KIF26B: variants seen among roughly 807,000 people sequenced by gnomAD.
KIF26B encodes kinesin family member 26B, also known as kinesin-like protein KIF26B.
A neutral mutation model predicts 151.2 loss-of-function variants in KIF26B; 63 were observed. That is an observed-to-expected ratio of 0.42 (90% confidence interval 0.34 to 0.51). KIF26B has a LOEUF of 0.51. Among genes scored for constraint, KIF26B ranks in the 20% least tolerant of loss-of-function variants. KIF26B has a pLI of 0.07. For synonymous variants in KIF26B, 1,357 were observed against 1,262.1 expected (o/e 1.08, Z -1.59); for missense variants, 2,813 against 2,913.6 (o/e 0.97, Z 0.79).
At chr1:245,630,826 AT>A (rs368215949) in intron 9 of KIF26B, among the ~76,000 whole-genome samples, 1 of 151,970 alleles carries the variant, frequency 6.6e-6, no homozygotes, top group Admixed American at 6.6e-5. Context: ...ATGTTCTTCA[AT>A]TTTTTTATCA....
intron 2 of KIF26B, among the ~76,000 whole-genome samples, chr1:245,256,790 C>T (rs1430370160): frequency 1.3e-5 from 2 of 152,128 alleles, no homozygotes. Flanking sequence ...CTCTTTGTAG[C>T]AATGAGATAC....
intron 10 of KIF26B, among the ~76,000 whole-genome samples, chr1:245,671,953 G>A (rs1222968581): frequency 6.6e-6 from 1 of 152,162 alleles, no homozygotes; most frequent in Non-Finnish European, 1.5e-5. Context: ...GTGTAGGAAG[G>A]CACCTTCATC....
At chr1:245,558,965 G>GT (rs1323510241) in intron 5 of KIF26B, among the ~76,000 whole-genome samples, 1 of 152,202 alleles carries the variant, frequency 6.6e-6, no homozygotes, top group African/African-American at 2.4e-5. Flanking sequence ...TGTCAGTTAT[G>GT]TAAGAAAAAC....
At chr1:245,700,791 CA>C (rs2044760404) in intron 14 of KIF26B, among the ~76,000 whole-genome samples, 1 of 152,214 alleles carries the variant, frequency 6.6e-6, no homozygotes, top group Non-Finnish European at 1.5e-5. Flanking sequence ...GGAGGGCAGA[CA>C]GGGGCGAGGG....
At chr1:245,466,278 A>C (rs755781064) in intron 4 of KIF26B, among the ~76,000 whole-genome samples, 19 of 152,210 alleles carry the variant, frequency 1.2e-4, no homozygotes, top group Non-Finnish European at 2.6e-4. Context: ...TGAGTGAACA[A>C]ATGGCCTGCA....
rs1369559715 is a variant in KIF26B at position 245,704,775 on chromosome 1, T to C, written c.*2169T>C. ...GTGGGCTTGCTTAACAGTAATATCC[T>C]TGGAGGCTTCTGGACCCAAAGGGAA... is the stretch of plus-strand genomic sequence containing the variant. On this transcript the variant is annotated 3_prime_UTR_variant, in exon 15 of 15. Coordinates refer to ENST00000407071, the MANE Select transcript of KIF26B (RefSeq NM_018012.4). 1 of 152,292 alleles carries C rather than the reference T, an allele frequency of 6.6e-6. No individual in the cohort carries two copies. The highest frequency in any genetic ancestry group is 1.5e-5 in the Non-Finnish European group (1 of 68,074). The allele number at this position is 152,292 out of a possible 1,614,324, so 9.4% of individuals were successfully genotyped here.
At chr1:245,648,280 A>G (rs1269800328) in intron 10 of KIF26B, among the ~76,000 whole-genome samples, 2 of 152,246 alleles carry the variant, frequency 1.3e-5, no homozygotes. Flanking sequence ...TGTAAACATG[A>G]AATTATTTTT....
At chr1:245,430,934 G>C (rs1200815664) in intron 4 of KIF26B, among the ~76,000 whole-genome samples, 2 of 152,202 alleles carry the variant, frequency 1.3e-5, no homozygotes, top group African/African-American at 4.8e-5. Flanking sequence ...CAAATATAAG[G>C]TGGGGACATT....
rs555477083 is a variant in KIF26B at position 245,327,417 on chromosome 1, C to T, written c.466-39417C>T. ...CCATCTGGTTTTTGCATAGACTGCT[C>T]GAGTTGTTTTTCCTTTCTCATTTGT... On this transcript the variant is annotated intron_variant, in intron 2 of 14. Transcript: ENST00000407071. Among the ~76,000 whole-genome samples the T allele has an allele frequency of 4.2e-4, 64 of 152,274 alleles. 1 individual carries two copies. Among genetic ancestry groups the T allele is most frequent in the Admixed American group, 3.7e-3 (57 of 15,294 alleles).
intron 2 of KIF26B, among the ~76,000 whole-genome samples, chr1:245,361,907 C>G (rs1168739278): frequency 6.6e-6 from 1 of 151,622 alleles, no homozygotes; most frequent in East Asian, 2.0e-4. Context: ...GATGATAGAA[C>G]CTTGAGGGTG....
chr1:245,478,137 T>G (rs867512356), intron 4 of KIF26B, among the ~76,000 whole-genome samples: 1 of 151,802 alleles, frequency 6.6e-6, no homozygotes, highest in Non-Finnish European at 1.5e-5. Flanking sequence ...GGTTTCAAAG[T>G]CCATCCATGT....
intron 2 of KIF26B, among the ~76,000 whole-genome samples, chr1:245,302,903 C>T (rs760077417): frequency 2.2e-5 from 3 of 137,102 alleles, no homozygotes; most frequent in Admixed American, 8.1e-5. Context: ...GCAGGAGAAT[C>T]GCTTGAACCT....
chr1:245,342,105 C>A (rs1198819951), intron 2 of KIF26B, among the ~76,000 whole-genome samples: 2 of 152,190 alleles, frequency 1.3e-5, no homozygotes, highest in Non-Finnish European at 1.5e-5. Flanking sequence ...CATCCCCAAA[C>A]CTTGTTAGTC....
intron 5 of KIF26B, among the ~76,000 whole-genome samples, chr1:245,600,174 G>A (rs949203830): frequency 1.6e-5 from 2 of 126,700 alleles, no homozygotes; most frequent in African/African-American, 6.0e-5. Context: ...GAGTAGCTGG[G>A]ACTACAGGCG....
intron 10 of KIF26B, among the ~76,000 whole-genome samples, chr1:245,658,452 G>A (rs560176806): frequency 8.5e-5 from 13 of 152,214 alleles, no homozygotes; most frequent in South Asian, 6.2e-4. Flanking sequence ...AGACTGGAAC[G>A]CAGTGACACC....
At chr1:245,386,957 G>T (rs1297691634) in intron 3 of KIF26B, among the ~76,000 whole-genome samples, 2 of 152,182 alleles carry the variant, frequency 1.3e-5, no homozygotes. Flanking sequence ...CTGGGGACAT[G>T]CCATGGCAGG....
intron 4 of KIF26B, among the ~76,000 whole-genome samples, chr1:245,443,280 GTTCA>G (rs892472535): frequency 6.1e-5 from 8 of 132,222 alleles, no homozygotes; most frequent in South Asian, 2.5e-4. Flanking sequence ...CTCCCTCACT[GTTCA>G]CCCTGCGGTC....
intron 2 of KIF26B, among the ~76,000 whole-genome samples, chr1:245,335,836 AAGG>A (rs1408777661): frequency 9.1e-5 from 13 of 143,052 alleles, no homozygotes; most frequent in Middle Eastern, 7.8e-3. Context: ...CCACGCGGAG[AAGG>A]AGGAGTCCCA....
At chr1:245,185,000 T>G (rs1194001170) in intron 2 of KIF26B, among the ~76,000 whole-genome samples, 1 of 152,234 alleles carries the variant, frequency 6.6e-6, no homozygotes, top group African/African-American at 2.4e-5. Context: ...GATTCCAGAT[T>G]GGAATCCTAG....
Sources: gnomAD v4.1 joint callset for allele counts (sites outside exome capture counted in the v4.1 genomes callset) on GRCh38, gnomAD v4.1.1 for gene constraint, MANE v1.5 for transcripts, NCBI Gene and HGNC (gene_info 2026-07-23, HGNC 2026-07-21) for gene names.